The following RIT2 variants were observed in gnomAD, a reference collection of about 807,000 sequenced individuals.
The protein encoded by RIT2 is Ras like without CAAX 2.
RIT2 carries 24 observed loss-of-function variants against 23.7 expected under a neutral mutation model. That is an observed-to-expected ratio of 1.01 (90% CI 0.73 to 1.43). RIT2 has a LOEUF of 1.43. Ranked by LOEUF, RIT2 falls within the 40% of genes most tolerant of loss-of-function variation. The pLI, the probability that RIT2 is intolerant of heterozygous loss-of-function variation, is 0.00. For missense variants in RIT2, 236 were observed against 266.9 expected, an observed-to-expected ratio of 0.88 and a Z score of 0.81; for synonymous variants, 107 against 91.1, an observed-to-expected ratio of 1.17 and a Z score of -0.99.
chr18:43,098,950 G>T (rs11082310), intron 1 of RIT2, among the ~76,000 whole-genome samples: 20,264 of 151,988 alleles, frequency 0.13, 1,601 homozygotes, highest in Non-Finnish European at 0.18. Context: ...AGAGAAACAG[G>T]ATGGCAACAT....
At chr18:42,864,108 C>A (rs1019995065) in intron 4 of RIT2, among the ~76,000 whole-genome samples, 3 of 151,946 alleles carry the variant, frequency 2.0e-5, no homozygotes, top group African/African-American at 7.3e-5. Flanking sequence ...CAATAACTTC[C>A]TGACCCAGAA....
intron 3 of RIT2, among the ~76,000 whole-genome samples, chr18:42,941,127 G>C (rs1013317629): frequency 6.6e-5 from 10 of 152,086 alleles, no homozygotes; most frequent in Non-Finnish European, 1.3e-4. Flanking sequence ...TTGAATGTGG[G>C]GAAGAAGGGA....
intron 1 of RIT2, among the ~76,000 whole-genome samples, chr18:43,051,719 T>C (rs1250938802): frequency 6.6e-6 from 1 of 152,178 alleles, no homozygotes; most frequent in Non-Finnish European, 1.5e-5. Flanking sequence ...GTACTTGCTA[T>C]ATGCATTGCT....
intron 1 of RIT2, among the ~76,000 whole-genome samples, chr18:43,104,467 T>C (rs1913761791): frequency 6.6e-6 from 1 of 152,172 alleles, no homozygotes; most frequent in Non-Finnish European, 1.5e-5. Context: ...TTTGAGGTGA[T>C]AGATATCCTA....
intron 4 of RIT2, among the ~76,000 whole-genome samples, chr18:42,771,058 C>T (rs16976807): frequency 0.11 from 17,365 of 152,208 alleles, 1,312 homozygotes; most frequent in South Asian, 0.21. Context: ...CACTCATTTA[C>T]ATTTTCAAGA....
intron 1 of RIT2, among the ~76,000 whole-genome samples, chr18:43,069,984 C>T (rs1287915897): frequency 6.6e-6 from 1 of 152,028 alleles, no homozygotes; most frequent in Non-Finnish European, 1.5e-5. Context: ...TTGTAATATA[C>T]ATTTCTTCTA....
chr18:43,059,183 C>G (rs1031316288), intron 1 of RIT2, among the ~76,000 whole-genome samples: 1 of 151,916 alleles, frequency 6.6e-6, no homozygotes, highest in Admixed American at 6.6e-5. Flanking sequence ...TGAGGACATA[C>G]AATGTGCAAG....
chr18:42,959,157 T>G (rs952881499), intron 3 of RIT2, among the ~76,000 whole-genome samples: 1 of 152,202 alleles, frequency 6.6e-6, no homozygotes, highest in Admixed American at 6.5e-5. Flanking sequence ...GTGTCCAGCT[T>G]CATATGTAAA....
chr18:42,987,398 G>A (rs79245282), intron 2 of RIT2, among the ~76,000 whole-genome samples: 4,477 of 152,242 alleles, frequency 0.029, 96 homozygotes, highest in Non-Finnish European at 0.05. Flanking sequence ...GATTTCAGAA[G>A]CAACCTAGAT....
intron 2 of RIT2, 30 bp downstream of exon 2, chr18:43,033,781 A>T (rs1911911339): frequency 9.3e-6 from 14 of 1,503,792 alleles, no homozygotes; most frequent in Non-Finnish European, 1.3e-5. Context: ...TCTTTATTTG[A>T]GCTTACGGAG....
intron 2 of RIT2, among the ~76,000 whole-genome samples, chr18:43,007,750 G>A (rs552681562): frequency 2.6e-5 from 4 of 151,590 alleles, no homozygotes; most frequent in African/African-American, 4.8e-5. Context: ...GGTTACTTTC[G>A]GAAAATACTA....
chr18:43,103,998 C>G (rs1913749806), intron 1 of RIT2, among the ~76,000 whole-genome samples: 1 of 152,066 alleles, frequency 6.6e-6, no homozygotes, highest in Non-Finnish European at 1.5e-5. Flanking sequence ...GTTTATTGCA[C>G]CACTACGCAC....
chr18:43,019,957 T>C (rs913458053), intron 2 of RIT2, among the ~76,000 whole-genome samples: 2 of 150,038 alleles, frequency 1.3e-5, no homozygotes, highest in Non-Finnish European at 3.0e-5. Flanking sequence ...AAAAAAAAAC[T>C]CCTAGGATTT....
At chr18:43,102,444 C>CT in intron 1 of RIT2, among the ~76,000 whole-genome samples, 1 of 129,970 alleles carries the variant, frequency 7.7e-6, no homozygotes, top group Admixed American at 7.9e-5. Flanking sequence ...CTCAGGAAAC[C>CT]CTTTTTTTTT....
chr18:42,763,527 G>A (rs1334231421), intron 4 of RIT2, among the ~76,000 whole-genome samples: 1 of 151,424 alleles, frequency 6.6e-6, no homozygotes, highest in Non-Finnish European at 1.5e-5. Context: ...AGGACTGGAA[G>A]TTGCTCCCAT....
At chr18:43,044,842 C>G (rs1408429543) in intron 1 of RIT2, among the ~76,000 whole-genome samples, 1 of 152,106 alleles carries the variant, frequency 6.6e-6, no homozygotes, top group Non-Finnish European at 1.5e-5. Flanking sequence ...CCTTTACTTT[C>G]TTGACATTTC....
At chr18:43,049,388 C>G (rs888126319) in intron 1 of RIT2, among the ~76,000 whole-genome samples, 1 of 152,126 alleles carries the variant, frequency 6.6e-6, no homozygotes, top group Non-Finnish European at 1.5e-5. Flanking sequence ...AGTTCTAAAT[C>G]ACAAGCACTG....
In RIT2 at chr18:43,033,676, T is replaced by C. The variant is rs540782916; in HGVS notation, c.160+135A>G. On this transcript the variant is annotated intron_variant, in intron 2 of 4. Transcript: ENST00000326695. ...AGCTTCTGTTGTGGTACGTTACATA[T>C]GATAGATTTGTGTGTATGTGTTCTG... 4.1e-5 allele frequency: 27 copies of C among 656,066 alleles called. No individual in the cohort carries two copies. In the East Asian group the frequency reaches 7.5e-4, roughly 18 times the overall value. The allele number at this position is 656,066 out of a possible 1,614,324, so 40.6% of individuals were successfully genotyped here.
intron 4 of RIT2, among the ~76,000 whole-genome samples, chr18:42,921,769 G>A (rs1304795460): frequency 6.6e-6 from 1 of 152,082 alleles, no homozygotes; most frequent in Non-Finnish European, 1.5e-5. Flanking sequence ...TCTTAGAAGT[G>A]CAACAAAAAT....
Sources: gnomAD v4.1 joint callset for allele counts (sites outside exome capture counted in the v4.1 genomes callset) on GRCh38, gnomAD v4.1.1 for gene constraint, MANE v1.5 for transcripts, NCBI Gene and HGNC (gene_info 2026-07-23, HGNC 2026-07-21) for gene names.